The following DNAH14 variants were observed in gnomAD, a reference collection of about 807,000 sequenced individuals.
DNAH14 encodes the protein axonemal beta dynein heavy chain 14.
DNAH14 carries 478 observed loss-of-function variants against 520.9 expected under a neutral mutation model. That is an observed-to-expected ratio of 0.92 (90% confidence interval 0.85 to 0.99). The LOEUF is 0.99. Among genes scored for constraint, DNAH14 ranks in the 50% least tolerant of loss-of-function variants. The pLI is 0.00. For synonymous variants in DNAH14, 1,581 were observed against 1,757.2 expected (o/e 0.90, Z 2.51); for missense variants, 4,831 against 5,234.5 (o/e 0.92, Z 2.38).
intron 8 of DNAH14, among the ~76,000 whole-genome samples, chr1:225,002,150 T>C (rs901498502): frequency 6.6e-6 from 1 of 152,148 alleles, no homozygotes; most frequent in African/African-American, 2.4e-5. Flanking sequence ...CTCCACACAC[T>C]GTTGCACAGG....
intron 9 of DNAH14, among the ~76,000 whole-genome samples, chr1:225,006,550 G>A (rs1284786397): frequency 6.6e-6 from 1 of 151,738 alleles, no homozygotes; most frequent in Non-Finnish European, 1.5e-5. Flanking sequence ...TGGGGTTGAA[G>A]ATAAGGGATG....
chr1:225,194,724 C>T (rs2085906956), intron 38 of DNAH14, among the ~76,000 whole-genome samples: 1 of 151,910 alleles, frequency 6.6e-6, no homozygotes, highest in Admixed American at 6.6e-5. Context: ...ACAGAATAAG[C>T]AGATAACCTA....
intron 21 of DNAH14, among the ~76,000 whole-genome samples, chr1:225,091,487 T>G (rs1002775209): frequency 6.6e-6 from 1 of 152,144 alleles, no homozygotes; most frequent in Non-Finnish European, 1.5e-5. Flanking sequence ...AAATTAGATT[T>G]CATAAGCAAA....
chr1:225,111,773 A>G (rs998346068), intron 23 of DNAH14, among the ~76,000 whole-genome samples: 6 of 151,260 alleles, frequency 4.0e-5, no homozygotes, highest in African/African-American at 1.5e-4. Flanking sequence ...TTTGTAATTT[A>G]TTGCTTTTTC....
rs1169182387 is a variant in DNAH14 at position 225,089,442 on chromosome 1, C to CAAA, written c.3573+3674_3573+3676dup. ...CTGGGCAACAAGAGCAAAACTCCGT[C>CAAA]AAAAAAAAAAAAAAAAAAAAAAAGA... is the stretch of plus-strand genomic sequence containing the variant. On this transcript the variant is annotated intron_variant, in intron 21 of 85. Transcript: ENST00000682510. Among the ~76,000 whole-genome samples the CAAA allele has an allele frequency of 8.9e-3, 260 of 29,378 alleles. 15 individuals carry two copies. Among genetic ancestry groups the CAAA allele is most frequent in the African/African-American group, 0.026 (187 of 7,192 alleles). The allele number at this position is 29,378 out of a possible 152,430, so 19.3% of individuals were successfully genotyped here.
intron 37 of DNAH14, among the ~76,000 whole-genome samples, chr1:225,189,269 C>T (rs2085113886): frequency 1.3e-5 from 2 of 151,710 alleles, no homozygotes; most frequent in African/African-American, 4.8e-5. Context: ...AGTTTGTTAG[C>T]ATCTTTTTGA....
At chr1:225,201,668 C>T (rs908218401) in intron 38 of DNAH14, among the ~76,000 whole-genome samples, 3 of 152,126 alleles carry the variant, frequency 2.0e-5, no homozygotes, top group Non-Finnish European at 4.4e-5. Flanking sequence ...GTCTACCAGG[C>T]TCCAGGCTGG....
At chr1:225,394,655 C>T (rs1207537155) in intron 84 of DNAH14, among the ~76,000 whole-genome samples, 1 of 152,028 alleles carries the variant, frequency 6.6e-6, no homozygotes, top group Non-Finnish European at 1.5e-5. Flanking sequence ...CTAGCCTGGC[C>T]AACATGGCAA....
chr1:225,328,465 A>G (rs1016860238), intron 64 of DNAH14, among the ~76,000 whole-genome samples: 3 of 152,134 alleles, frequency 2.0e-5, no homozygotes, highest in Non-Finnish European at 4.4e-5. Flanking sequence ...CTTAAAATGT[A>G]TATTTTTTAC....
intron 1 of DNAH14, among the ~76,000 whole-genome samples, chr1:224,935,461 T>G (rs1287260944): frequency 6.6e-6 from 1 of 151,668 alleles, no homozygotes; most frequent in Admixed American, 6.6e-5. Context: ...AGACTTTAAG[T>G]CAAGAATAGT....
At chr1:225,338,761 C>T (rs913402686) in intron 68 of DNAH14, among the ~76,000 whole-genome samples, 5 of 152,154 alleles carry the variant, frequency 3.3e-5, no homozygotes, top group African/African-American at 1.2e-4. Context: ...TGCATTCTCT[C>T]CTTGTATGCA....
intron 75 of DNAH14, among the ~76,000 whole-genome samples, chr1:225,361,209 T>C (rs1285153562): frequency 6.6e-6 from 1 of 152,232 alleles, no homozygotes; most frequent in African/African-American, 2.4e-5. Flanking sequence ...GATGGATACA[T>C]AGTTTTTAAT....
intron 75 of DNAH14, among the ~76,000 whole-genome samples, 166 bp from the exon 76 acceptor site, chr1:225,364,626 G>A (rs537551242): frequency 3.9e-5 from 6 of 152,008 alleles, no homozygotes; most frequent in South Asian, 4.1e-4. Context: ...CTGATGGGTC[G>A]TGTGCAAATT....
At chr1:225,154,146 A>G (rs1307277612) in intron 34 of DNAH14, among the ~76,000 whole-genome samples, 2 of 152,104 alleles carry the variant, frequency 1.3e-5, no homozygotes, top group Non-Finnish European at 2.9e-5. Flanking sequence ...TACCTATGTG[A>G]CAGATGTGTA....
intron 55 of DNAH14, among the ~76,000 whole-genome samples, chr1:225,293,061 A>G (rs1411842037): frequency 6.6e-6 from 1 of 152,218 alleles, no homozygotes; most frequent in African/African-American, 2.4e-5. Flanking sequence ...GCCAACAATT[A>G]TATGTTAAAA....
At chr1:225,213,937 A>G (rs575466719) in intron 41 of DNAH14, among the ~76,000 whole-genome samples, 5 of 152,246 alleles carry the variant, frequency 3.3e-5, no homozygotes, top group South Asian at 2.1e-4. Context: ...AGAACTTCCA[A>G]CACTATGTTG....
At chr1:224,942,981 T>A (rs1571920654) in intron 1 of DNAH14, among the ~76,000 whole-genome samples, 1 of 152,310 alleles carries the variant, frequency 6.6e-6, no homozygotes, top group East Asian at 1.9e-4. Context: ...TTGTTGTGTC[T>A]CTGCCAGGCT....
chr1:225,265,744 A>G (rs2093089789), intron 48 of DNAH14, among the ~76,000 whole-genome samples: 1 of 152,102 alleles, frequency 6.6e-6, no homozygotes, highest in Non-Finnish European at 1.5e-5. Flanking sequence ...GGTTTGCTTC[A>G]GATTTCCTTG....
intron 21 of DNAH14, among the ~76,000 whole-genome samples, chr1:225,095,182 TA>T: frequency 6.6e-6 from 1 of 152,258 alleles, no homozygotes; most frequent in East Asian, 1.9e-4. Flanking sequence ...TGTTCTATCA[TA>T]AAGACACATG....
Sources: gnomAD v4.1 joint callset for allele counts (sites outside exome capture counted in the v4.1 genomes callset) on GRCh38, gnomAD v4.1.1 for gene constraint, MANE v1.5 for transcripts, NCBI Gene and HGNC (gene_info 2026-07-23, HGNC 2026-07-21) for gene names.